HERC2: variants seen among roughly 807,000 people sequenced by gnomAD.
HERC2 encodes E3 ubiquitin-protein ligase HERC2.
Under a neutral mutation model 537.7 loss-of-function variants are expected in HERC2, and 102 were observed. The observed-to-expected ratio is 0.19, with a 90% CI of 0.16 to 0.22. The LOEUF (loss-of-function observed/expected upper bound fraction) is 0.22, where lower values mean the gene tolerates loss of function less well. HERC2 is among the 10% of genes least tolerant of loss of function. The probability of loss-of-function intolerance (pLI) is 1.00; values close to 1 mark genes in which losing one functional copy is unlikely to be tolerated. For synonymous variants in HERC2, 2,224 were observed against 2,466.2 expected, an observed-to-expected ratio of 0.90 and a Z score of 2.91; for missense variants, 4,236 against 6,198.2, an observed-to-expected ratio of 0.68 and a Z score of 10.63.
intron 55 of HERC2, among the ~76,000 whole-genome samples, chr15:28,189,289 G>T (rs944286397): frequency 6.6e-6 from 1 of 152,102 alleles, no homozygotes; most frequent in Non-Finnish European, 1.5e-5. Flanking sequence ...AGGATGAATG[G>T]TTTTGAATTG....
At chr15:28,242,294 T>A (rs1173312425) in intron 23 of HERC2, among the ~76,000 whole-genome samples, 2 of 152,208 alleles carry the variant, frequency 1.3e-5, no homozygotes, top group Non-Finnish European at 2.9e-5. Flanking sequence ...ATGGCAAATT[T>A]TACCAATCTT....
intron 78 of HERC2, among the ~76,000 whole-genome samples, chr15:28,136,070 C>A (rs191762219): frequency 1.3e-5 from 2 of 149,614 alleles, no homozygotes; most frequent in Admixed American, 1.3e-4. Flanking sequence ...CATAAAAGAA[C>A]ACAAATACAT....
rs1374782454 is a variant in HERC2 at position 28,265,916 on chromosome 15, C to T, written c.1657G>A (p.Val553Met). 1.2e-6 allele frequency: 2 copies of T among 1,614,186 alleles called. No homozygotes were observed. The highest frequency in any genetic ancestry group is 1.7e-6 in the Non-Finnish European group (2 of 1,180,042). ...GTGCTCCCGCAAGCGATGTGCACCACGTGCTTCCCGGCCTGCTTTCCAGAG... is the reference window on the plus strand; with the variant it reads ...GTGCTCCCGCAAGCGATGTGCACCATGTGCTTCCCGGCCTGCTTTCCAGAG... ...AFSGKQAGKH[V>M]VHIACGSTYS... Residue 553 changes from valine (V) to methionine (M), a missense_variant, in exon 13 of 93, where the codon GTG becomes ATG. Around this residue, in one of 27 missense-constraint regions of HERC2, gnomAD observed 754 missense variants for 1,085.0 expected, o/e 0.69. Coordinates refer to ENST00000261609, the MANE Select transcript of HERC2 (RefSeq NM_004667.6). The surrounding 1 kb of genome is among the most constrained non-coding windows in gnomAD (Gnocchi z 4.0).
chr15:28,258,578 A>G (rs1048092869), intron 16 of HERC2, among the ~76,000 whole-genome samples: 1 of 152,224 alleles, frequency 6.6e-6, no homozygotes, highest in African/African-American at 2.4e-5. Context: ...TTGTAGGTTT[A>G]ATTAAAGCAC....
At chr15:28,133,425 T>C (rs1174753888) in intron 79 of HERC2, among the ~76,000 whole-genome samples, 3 of 152,232 alleles carry the variant, frequency 2.0e-5, no homozygotes, top group Non-Finnish European at 4.4e-5. Context: ...TCATAGTGTC[T>C]TTTGAAGAAC....
intron 65 of HERC2, 148 bp from the exon 66 acceptor site, chr15:28,169,803 C>T (rs1894510037): frequency 3.0e-6 from 2 of 656,498 alleles, no homozygotes; most frequent in Non-Finnish European, 2.5e-6. Flanking sequence ...ATTAATAGGC[C>T]TTCAAAATAA....
At chr15:28,199,069 C>G (rs1237109217) in intron 48 of HERC2, among the ~76,000 whole-genome samples, 1 of 151,892 alleles carries the variant, frequency 6.6e-6, no homozygotes, top group Non-Finnish European at 1.5e-5. Context: ...ATTGCTTGAG[C>G]CTGGAAGGTG....
At chr15:28,185,313 G>A (rs867800734) in intron 56 of HERC2, among the ~76,000 whole-genome samples, 5 of 152,094 alleles carry the variant, frequency 3.3e-5, no homozygotes, top group Non-Finnish European at 4.4e-5. Context: ...AGAGCACAGG[G>A]TGTCTTGGTC....
At position 28,237,124 on chromosome 15, in the gene HERC2, A is replaced by T; in HGVS notation, c.3853-11T>A. The T allele has an allele frequency of 1.3e-6, 2 of 1,527,686 alleles. No homozygotes were observed. The highest frequency in any genetic ancestry group is 2.2e-5 in the South Asian group (2 of 89,190). 94.6% of individuals were successfully genotyped at this position (1,527,686 alleles called of 1,614,324 possible). On this transcript the variant is annotated splice_polypyrimidine_tract_variant and intron_variant, in intron 25 of 92. Coordinates refer to ENST00000261609, the MANE Select transcript of HERC2 (RefSeq NM_004667.6). ...GATTTCTTGGTCAGGCTGGAAAAAT[A>T]AATTTCATCATCAATCTGAGGAAAC...
At chr15:28,157,495 T>G (rs750994962) in intron 69 of HERC2, among the ~76,000 whole-genome samples, 13 of 152,228 alleles carry the variant, frequency 8.5e-5, no homozygotes, top group Non-Finnish European at 1.8e-4. Flanking sequence ...GTCCAGGAAT[T>G]TATCCATTTC....
rs1445115037 is a variant in HERC2, at chr15:28,179,194, C to T, written c.8967G>A (p.Leu2989=). The change falls in exon 58 of 93, where the codon CTG becomes CTA. Residue 2989 remains leucine, a synonymous_variant. Coordinates refer to ENST00000261609, the MANE Select transcript of HERC2 (RefSeq NM_004667.6). ...CCACCTGTACCACATTCAAAGCTGA[C>T]AGTGTCTCAGAGAACGAAGGAACCT... ...KIKVPSFSET[L]SALNVVQVAG... 6.2e-7 allele frequency: 1 copy of T among 1,612,122 alleles called. No homozygotes were observed. Among genetic ancestry groups the T allele is most frequent in the Non-Finnish European group, 8.5e-7 (1 of 1,179,348 alleles).
chr15:28,314,491 A>G (rs1337956313), intron 2 of HERC2, among the ~76,000 whole-genome samples: 3 of 151,636 alleles, frequency 2.0e-5, no homozygotes, highest in Non-Finnish European at 4.4e-5. Flanking sequence ...ATTTCCTTTA[A>G]TTTCCTAAAA....
chr15:28,193,624 C>A (rs1242147232), intron 52 of HERC2, among the ~76,000 whole-genome samples: 2 of 152,046 alleles, frequency 1.3e-5, no homozygotes, highest in East Asian at 3.9e-4. Flanking sequence ...CCCTACCAAC[C>A]CCAAGAAAGA....
At chr15:28,229,652 A>T (rs762263082) in intron 32 of HERC2, 22 bp downstream of exon 32, 2 of 1,608,590 alleles carry the variant, frequency 1.2e-6, no homozygotes, top group Non-Finnish European at 1.7e-6. Flanking sequence ...AATGCAGAGA[A>T]GCATTTCTCA....
At chr15:28,224,404 T>C (rs1338995874) in intron 35 of HERC2, among the ~76,000 whole-genome samples, 2 of 152,148 alleles carry the variant, frequency 1.3e-5, no homozygotes, top group Non-Finnish European at 2.9e-5. Flanking sequence ...GTATTTTTTG[T>C]AGAGACAGGG....
Position 28,113,875 on chromosome 15 carries a change from A to G in HERC2, c.13914-197T>C, listed in dbSNP as rs1887930773. Reference sequence around the variant, plus strand: ...TCCTGACACTGGGCTCATCTCGTCCAGCCGACAGGGTACGGCCTAATGACC... The same window carrying G: ...TCCTGACACTGGGCTCATCTCGTCCGGCCGACAGGGTACGGCCTAATGACC... On this transcript the variant is annotated intron_variant, in intron 90 of 92. Transcript: ENST00000261609. This position sits in a 1 kb window ranked among gnomAD's most constrained non-coding sequence, Gnocchi z 7.0. 5.3e-5 allele frequency among the ~76,000 whole-genome samples: 8 copies of G among 152,250 alleles called. No individual in the cohort carries two copies. The South Asian group carries it at 1.7e-3, about 32-fold the overall frequency.
chr15:28,232,376 A>C (rs535977550), intron 30 of HERC2, among the ~76,000 whole-genome samples: 32 of 152,178 alleles, frequency 2.1e-4, no homozygotes, highest in Admixed American at 7.2e-4. Flanking sequence ...CTCCGTCTCT[A>C]CTAAAATACA....
intron 21 of HERC2, among the ~76,000 whole-genome samples, chr15:28,247,553 G>A (rs371681072): frequency 1.7e-3 from 259 of 151,048 alleles, no homozygotes; most frequent in African/African-American, 5.5e-3. Flanking sequence ...CTCAGCCTCC[G>A]GAGTAGCTGG....
At chr15:28,313,426 G>A (rs547700751) in intron 2 of HERC2, among the ~76,000 whole-genome samples, 315 of 152,132 alleles carry the variant, frequency 2.1e-3, no homozygotes, top group African/African-American at 6.8e-3. Flanking sequence ...TGATCCACCC[G>A]CCTCGGCCTG....
Sources: allele counts gnomAD v4.1 joint callset (sites outside exome capture counted in the v4.1 genomes callset), GRCh38; gene constraint gnomAD v4.1.1; regional missense constraint gnomAD v4.1.1; non-coding constraint Gnocchi (gnomAD v3.1); transcripts MANE v1.5; gene names NCBI Gene and HGNC (gene_info 2026-07-23, HGNC 2026-07-21).